NXN: variants seen among roughly 807,000 people sequenced by gnomAD.
NXN encodes nucleoredoxin, also known as nucleoredoxin 1.
A neutral mutation model predicts 48.6 loss-of-function variants in NXN; 16 were observed. The observed-to-expected ratio is 0.33, with a 90% CI of 0.22 to 0.50. NXN has a LOEUF of 0.50. NXN is among the 20% of genes least tolerant of loss of function. NXN has a pLI of 0.98. For synonymous variants in NXN, 281 were observed against 269.6 expected (o/e 1.04, Z -0.41); for missense variants, 492 against 605.5 (o/e 0.81, Z 1.97).
chr17:838,320 C>T (rs1031681449), intron 1 of NXN, among the ~76,000 whole-genome samples: 2 of 151,900 alleles, frequency 1.3e-5, no homozygotes, highest in South Asian at 2.1e-4. Context: ...TTAGTTGAGA[C>T]GGGGTCTCAC....
intron 1 of NXN, chr17:930,499 C>G (rs998742704): frequency 3.3e-5 from 5 of 152,018 alleles, no homozygotes; most frequent in South Asian, 2.1e-4. Context: ...AACAATGCCC[C>G]TATTGATTGA....
intron 6 of NXN, 43 bp downstream of exon 6, chr17:805,025 C>A (rs1280987521): frequency 1.1e-5 from 17 of 1,518,612 alleles, no homozygotes; most frequent in Non-Finnish European, 1.3e-5. Context: ...TCCTGTCCCG[C>A]CCCCCAGCCA....
intron 5 of NXN, among the ~76,000 whole-genome samples, chr17:813,166 T>C (rs1912264914): frequency 6.6e-6 from 1 of 152,082 alleles, no homozygotes; most frequent in Non-Finnish European, 1.5e-5. Context: ...CTGGTCAGAG[T>C]TTTGTGACGC....
intron 1 of NXN, among the ~76,000 whole-genome samples, chr17:841,431 CGGGCG>C (rs1914211497): frequency 8.2e-6 from 1 of 122,620 alleles, no homozygotes; most frequent in Non-Finnish European, 1.9e-5. Context: ...GCATCTCACA[CGGGCG>C]AGCAGGTCCC....
At chr17:842,934 C>T (rs929918192) in intron 1 of NXN, among the ~76,000 whole-genome samples, 8 of 143,492 alleles carry the variant, frequency 5.6e-5, no homozygotes, top group African/African-American at 7.8e-5. Context: ...AGCAAAATTC[C>T]GTCTCAAAAA....
intron 1 of NXN, among the ~76,000 whole-genome samples, chr17:835,307 CAAA>C (rs368573865): frequency 5.5e-5 from 5 of 91,264 alleles, no homozygotes; most frequent in Non-Finnish European, 4.6e-5. Context: ...GACTCTGTTT[CAAA>C]AAAAAAAAAA....
chr17:889,960 G>A (rs2068398431), intron 1 of NXN, among the ~76,000 whole-genome samples: 1 of 152,018 alleles, frequency 6.6e-6, no homozygotes, highest in Admixed American at 6.6e-5. Context: ...CACTCACAAA[G>A]AGCACACGCC....
rs34489762 is a variant in NXN, at chr17:919,062, T to C, written c.360+60257A>G. Among the ~76,000 whole-genome samples the C allele has an allele frequency of 0.42, 62,536 of 150,424 alleles. 13,413 individuals are homozygous for C. The highest frequency in any genetic ancestry group is 0.71 in the East Asian group (3,606 of 5,058). On this transcript the variant is annotated intron_variant, in intron 1 of 7. Transcript: ENST00000336868. The surrounding 1 kb of genome is among the most constrained non-coding windows in gnomAD (Gnocchi z 5.1). ...CCTGGGCAACAGAGTAAGACCCTAT[T>C]GCTTTAAAAAAAAAAAATGTTTCAG... is the stretch of plus-strand genomic sequence containing the variant.
At chr17:897,009 C>T (rs2068493975) in intron 1 of NXN, 22 of 1,118,516 alleles carry the variant, frequency 2.0e-5, no homozygotes, top group South Asian at 5.5e-5. Context: ...ACACGGACTC[C>T]GTAATGGAAA....
chr17:852,681 G>C (rs2067936754), intron 1 of NXN, among the ~76,000 whole-genome samples: 1 of 152,190 alleles, frequency 6.6e-6, no homozygotes, highest in Non-Finnish European at 1.5e-5. Flanking sequence ...TGCTCTCTGA[G>C]TCAGCCCGGG....
chr17:838,752 T>G (rs1913968131), intron 1 of NXN, among the ~76,000 whole-genome samples: 1 of 152,212 alleles, frequency 6.6e-6, no homozygotes. Flanking sequence ...TGACTAGAGC[T>G]GCCAGGAGGG....
At chr17:841,510 G>C (rs373701506) in intron 1 of NXN, among the ~76,000 whole-genome samples, 1,005 of 27,180 alleles carry the variant, frequency 0.037, 26 homozygotes, top group Middle Eastern at 0.11. Context: ...ATCTCACACG[G>C]GCGAGCAGGT....
chr17:819,652 G>A, intron 4 of NXN, 107 bp from the exon 5 acceptor site: 2 of 771,140 alleles, frequency 2.6e-6, no homozygotes, highest in Non-Finnish European at 4.3e-6. Flanking sequence ...AGAAGCCGGG[G>A]TTTCTAACCA....
Position 950,095 on chromosome 17 carries a change from C to T in NXN, c.360+29224G>A, listed in dbSNP as rs141322112. Among the ~76,000 whole-genome samples the T allele has an allele frequency of 2.9e-3, 438 of 152,272 alleles. 3 individuals are homozygous for T. Among genetic ancestry groups the T allele is most frequent in the African/African-American group, 9.9e-3 (413 of 41,548 alleles). On this transcript the variant is annotated intron_variant, in intron 1 of 7. Transcript: ENST00000336868. ...AGCCCCTTAACTCTGAAGGCAGTTC[C>T]ATCCACCTTACAAATTCGGTGCCCT...
chr17:925,407 A>G (rs1406269937), intron 1 of NXN, among the ~76,000 whole-genome samples: 2 of 152,146 alleles, frequency 1.3e-5, no homozygotes, highest in African/African-American at 2.4e-5. Flanking sequence ...TGACTGACTG[A>G]GACAGAGTTT....
intron 1 of NXN, among the ~76,000 whole-genome samples, chr17:857,788 T>C (rs73291527): frequency 0.01 from 1,549 of 152,238 alleles, 24 homozygotes; most frequent in African/African-American, 0.035. Flanking sequence ...AGAGACCTCC[T>C]CTAGGTGGCA....
intron 1 of NXN, among the ~76,000 whole-genome samples, chr17:914,328 C>T (rs2068665428): frequency 7.0e-6 from 1 of 142,684 alleles, no homozygotes; most frequent in Non-Finnish European, 1.6e-5. Context: ...CGCCACCACG[C>T]CCAGCTAATT....
Position 972,029 on chromosome 17 carries a change from G to A in NXN, c.360+7290C>T, listed in dbSNP as rs117359633. 6.1e-3 allele frequency among the ~76,000 whole-genome samples: 922 copies of A among 152,246 alleles called. 5 individuals carry two copies. The highest frequency in any genetic ancestry group is 0.022 in the Admixed American group (330 of 15,292). On this transcript the variant is annotated intron_variant, in intron 1 of 7. Transcript: ENST00000336868. ...AAAAATATAAAAATTGGCCAGTCAC[G>A]GTGGCTCACACCCGTAAGCCCAGCA... is the stretch of plus-strand genomic sequence containing the variant.
chr17:801,474 C>A (rs1345874275), intron 7 of NXN, among the ~76,000 whole-genome samples: 1 of 103,540 alleles, frequency 9.7e-6, no homozygotes, highest in African/African-American at 3.6e-5. Context: ...GAGATGGAGT[C>A]TCGCTCTGTC....
Sources: gnomAD v4.1 joint callset for allele counts (sites outside exome capture counted in the v4.1 genomes callset) on GRCh38, gnomAD v4.1.1 for gene constraint, Gnocchi (gnomAD v3.1) non-coding constraint, MANE v1.5 for transcripts, NCBI Gene and HGNC (gene_info 2026-07-23, HGNC 2026-07-21) for gene names.